SLC12A9: variants seen among roughly 807,000 people sequenced by gnomAD.
The protein encoded by SLC12A9 is CCC-interacting protein 1.
In SLC12A9, 55 loss-of-function variants were observed where a neutral mutation model predicts 66.0. That is an observed-to-expected ratio of 0.83 (90% CI 0.67 to 1.04). The LOEUF (loss-of-function observed/expected upper bound fraction) is 1.04. Ranked by LOEUF, SLC12A9 falls within the 50% of genes least tolerant of loss-of-function variation. The pLI, the probability that SLC12A9 is intolerant of heterozygous loss-of-function variation, is 0.00. For missense variants in SLC12A9, 1,061 were observed against 1,241.9 expected (o/e 0.85, Z 2.19); for synonymous variants, 577 against 569.0 (o/e 1.01, Z -0.20).
At chr7:100,856,499 C>T (rs949100338) in intron 4 of SLC12A9, 104 of 185,400 alleles carry the variant, frequency 5.6e-4, no homozygotes, top group East Asian at 1.2e-3. Context: ...TGAGCCCCGG[C>T]GCCCTGCCCC....
At chr7:100,836,952 G>A (rs1229477478) in intron 1 of SLC12A9, among the ~76,000 whole-genome samples, 2 of 152,118 alleles carry the variant, frequency 1.3e-5, no homozygotes, top group African/African-American at 2.4e-5. Context: ...TCCTTGTCCC[G>A]AAGGGGCAGA....
intron 1 of SLC12A9, among the ~76,000 whole-genome samples, chr7:100,836,377 A>G (rs890697848): frequency 1.3e-5 from 2 of 152,046 alleles, no homozygotes; most frequent in African/African-American, 4.8e-5. Flanking sequence ...AGGGGAAGGT[A>G]GGCCGGGCCC....
At chr7:100,839,936 C>T (rs868587258) in intron 1 of SLC12A9, among the ~76,000 whole-genome samples, 12 of 147,910 alleles carry the variant, frequency 8.1e-5, no homozygotes, top group Non-Finnish European at 1.3e-4. Flanking sequence ...CCCACCAGAG[C>T]GAGACTCCGT....
upstream of SLC12A9, among the ~76,000 whole-genome samples, chr7:100,850,247 T>TTTTC (rs200752004): frequency 1.0e-4 from 12 of 116,756 alleles, no homozygotes; most frequent in African/African-American, 2.4e-4. Context: ...CCTTCCTTCC[T>TTTTC]TTTCTTTCTT....
At chr7:100,841,219 C>T (rs567457091) in intron 1 of SLC12A9, among the ~76,000 whole-genome samples, 9 of 150,246 alleles carry the variant, frequency 6.0e-5, no homozygotes, top group Admixed American at 6.0e-4. Context: ...GAATTGTCTG[C>T]GAAAACCATG....
chr7:100,849,722 A>G (rs1295736816), upstream of SLC12A9, among the ~76,000 whole-genome samples: 1 of 151,838 alleles, frequency 6.6e-6, no homozygotes, highest in Non-Finnish European at 1.5e-5. Context: ...TCTAAAAAAA[A>G]AAAAAGAGGA....
intron 1 of SLC12A9, among the ~76,000 whole-genome samples, chr7:100,837,903 C>T (rs528818160): frequency 1.5e-5 from 2 of 135,536 alleles, no homozygotes; most frequent in South Asian, 2.3e-4. Context: ...CTCTGTTGCC[C>T]AGGCTGGAGT....
At chr7:100,837,314 C>A (rs1190350610) in intron 1 of SLC12A9, 3 of 151,692 alleles carry the variant, frequency 2.0e-5, no homozygotes, top group Non-Finnish European at 2.9e-5. Context: ...CAGACCAAAC[C>A]GTCTTTGAGA....
intron 12 of SLC12A9, among the ~76,000 whole-genome samples, chr7:100,862,225 G>A (rs1006193599): frequency 2.0e-5 from 3 of 151,988 alleles, no homozygotes; most frequent in African/African-American, 7.2e-5. Context: ...CCAAAGTGCT[G>A]GAATTGTAGG....
chr7:100,827,892 A>T (rs1440707941), intron 1 of SLC12A9, among the ~76,000 whole-genome samples: 1 of 152,154 alleles, frequency 6.6e-6, no homozygotes. Flanking sequence ...AGGGCCGCCC[A>T]GGCGTGCACG....
chr7:100,848,687 C>T (rs1409424354), upstream of SLC12A9, among the ~76,000 whole-genome samples: 2 of 151,878 alleles, frequency 1.3e-5, no homozygotes, highest in Non-Finnish European at 2.9e-5. Context: ...GAGATCGAGA[C>T]CATTCTGGCT....
At chr7:100,844,744 G>A (rs1158225374) in intron 1 of SLC12A9, among the ~76,000 whole-genome samples, 1 of 152,142 alleles carries the variant, frequency 6.6e-6, no homozygotes, top group African/African-American at 2.4e-5. Flanking sequence ...AAAAAGAGGA[G>A]CGTGTGACCT....
rs749805946 is a variant in SLC12A9, at chr7:100,855,776, C to T, written c.387C>T (p.Val129=). 2 of 1,614,068 alleles carry T rather than the reference C, an allele frequency of 1.2e-6. No individual in the cohort carries two copies. Among genetic ancestry groups the T allele is most frequent in the Non-Finnish European group, 1.7e-6 (2 of 1,179,962 alleles). ...SIGLMFYLAN[V]CGCAVSLLGL... ...GGCTCATGTTCTACCTGGCTAACGT[C>T]TGTGGCTGTGCCGTCTCCCTCCTGG... Residue 129 remains valine, a synonymous_variant, in exon 4 of 14, where the codon GTC becomes GTT. Coordinates refer to ENST00000354161, the MANE Select transcript of SLC12A9 (RefSeq NM_020246.4).
rs750053518 is a variant in SLC12A9, at chr7:100,861,589, G to A, written c.1536+5G>A. 2 of 1,612,306 alleles carry A rather than the reference G, an allele frequency of 1.2e-6. No individual in the cohort carries two copies. The highest frequency in any genetic ancestry group is 1.7e-6 in the Non-Finnish European group (2 of 1,179,032). ...CAGGCCTTGCTTTTCCACCAGGTAT[G>A]GGGAGCTGGTGGGGCGGTGGGGAAA... is the stretch of plus-strand genomic sequence containing the variant. On this transcript the variant is annotated splice_donor_5th_base_variant and intron_variant, in intron 11 of 13. Transcript: ENST00000354161. The surrounding 1 kb of genome is among the most constrained non-coding windows in gnomAD (Gnocchi z 5.3).
chr7:100,860,818 C>T, intron 9 of SLC12A9: 1 of 447,792 alleles, frequency 2.2e-6, no homozygotes, highest in African/African-American at 2.1e-5. Context: ...CTGGTACTTT[C>T]CAGGGTTCAC....
chr7:100,837,569 C>G (rs955866029), intron 1 of SLC12A9: 2 of 152,262 alleles, frequency 1.3e-5, no homozygotes, highest in African/African-American at 4.8e-5. Context: ...GGGGCGGATT[C>G]CGGAGGATTC....
In SLC12A9 at chr7:100,866,458, A is replaced by C; in HGVS notation, c.2598A>C (p.Thr866=). The change falls in exon 14 of 14, where the codon ACA becomes ACC. Residue 866 remains threonine (T), a synonymous_variant. Transcript: ENST00000354161. The surrounding 1 kb of genome is among the most constrained non-coding windows in gnomAD (Gnocchi z 7.3). ...GTGGGGATGCTGAGGGCCCCATCAC[A>C]GCCCTCACCTTCCTGTACTTGCCTC... ...PEGGDAEGPI[T]ALTFLYLPRP... The C allele has an allele frequency of 6.4e-7, 1 of 1,550,632 alleles. No individual in the cohort carries two copies. Among genetic ancestry groups the C allele is most frequent in the East Asian group, 2.4e-5 (1 of 41,032 alleles).
At chr7:100,853,083 G>A (rs2116574419) in intron 1 of SLC12A9, among the ~76,000 whole-genome samples, 1 of 152,106 alleles carries the variant, frequency 6.6e-6, no homozygotes. Context: ...AATCGGGGAG[G>A]CTAAGGCGAG....
intron 1 of SLC12A9, among the ~76,000 whole-genome samples, chr7:100,844,496 G>A (rs1039868914): frequency 6.6e-6 from 1 of 152,178 alleles, no homozygotes; most frequent in African/African-American, 2.4e-5. Context: ...GGAATAAGGT[G>A]TAGTTCTCTT....
Sources: gnomAD v4.1 joint callset for allele counts (sites outside exome capture counted in the v4.1 genomes callset) on GRCh38, gnomAD v4.1.1 for gene constraint, Gnocchi (gnomAD v3.1) non-coding constraint, MANE v1.5 for transcripts, NCBI Gene and HGNC (gene_info 2026-07-23, HGNC 2026-07-21) for gene names.